Variants in PLXND1 observed in about 807,000 individuals in gnomAD.
The protein encoded by PLXND1 is plexin-D1.
A neutral mutation model predicts 197.7 loss-of-function variants in PLXND1; 54 were observed. The ratio of observed to expected loss-of-function variants is 0.27; its 90% CI spans 0.22 to 0.34. The LOEUF is 0.34. PLXND1 is among the 10% of genes least tolerant of loss of function. The probability of loss-of-function intolerance (pLI) is 1.00; values close to 1 mark genes in which losing one functional copy is unlikely to be tolerated. For synonymous variants in PLXND1, 1,180 were observed against 1,161.2 expected, an observed-to-expected ratio of 1.02 and a Z score of -0.33; for missense variants, 2,127 against 2,699.2, an observed-to-expected ratio of 0.79 and a Z score of 4.70.
rs1022756861 is a variant in PLXND1 at position 129,557,958 on chromosome 3, T to C, written c.5445+470A>G. 3.9e-5 allele frequency among the ~76,000 whole-genome samples: 6 copies of C among 152,216 alleles called. No homozygotes were observed. The highest frequency in any genetic ancestry group is 3.9e-4 in the Admixed American group (6 of 15,280). On this transcript the variant is annotated intron_variant, in intron 33 of 35. Transcript: ENST00000324093. The surrounding 1 kb of genome is among the most constrained non-coding windows in gnomAD (Gnocchi z 4.8). ...ACCTCTAAAGCCAGACACAGCCTTG[T>C]GTGCCCCCAACACACCGCATGAATC... is the stretch of plus-strand genomic sequence containing the variant.
chr3:129,575,107 GAC>G (rs1413705138), intron 11 of PLXND1, among the ~76,000 whole-genome samples: 15 of 152,178 alleles, frequency 9.9e-5, no homozygotes, highest in African/African-American at 3.6e-4. Flanking sequence ...ACCCAACACA[GAC>G]AGTCACAGCA....
intron 1 of PLXND1, among the ~76,000 whole-genome samples, chr3:129,604,487 G>C (rs938603733): frequency 3.3e-5 from 5 of 152,240 alleles, no homozygotes; most frequent in Admixed American, 3.3e-4. Flanking sequence ...GATGAGAATA[G>C]AGGCTACCTG....
rs1230997195 is a variant in PLXND1, at chr3:129,605,781, A to C, written c.859T>G (p.Ser287Ala). The change falls in exon 1 of 36, where the codon TCC becomes GCC. Residue 287 changes from serine (S) to alanine (A), a missense_variant. Ser to Ala is a moderately conservative substitution (Grantham distance 99, BLOSUM62 1). This residue lies in a region of PLXND1 where 1,095 missense variants were observed against 1,259.8 expected (regional missense o/e 0.87). Transcript: ENST00000324093. ...LGFVSAFLHPSDPPPGAQSYA... is the reference protein window; with the variant it reads ...LGFVSAFLHPADPPPGAQSYA... ...GACTGTGCACCCGGCGGCGGGTCGG[A>C]CGGGTGCAGGAAGGCGCTCACGAAG... 1 of 1,583,836 alleles carries C rather than the reference A, an allele frequency of 6.3e-7. No homozygotes were observed. Among genetic ancestry groups the C allele is most frequent in the Admixed American group, 1.8e-5 (1 of 54,958 alleles).
At position 129,573,639 on chromosome 3, in the gene PLXND1, C is replaced by A. The variant is rs780775472; in HGVS notation, c.2792G>T (p.Gly931Val). 1.1e-4 allele frequency: 174 copies of A among 1,613,502 alleles called. No individual in the cohort carries two copies. Among genetic ancestry groups the A allele is most frequent in the Non-Finnish European group, 1.4e-4 (169 of 1,180,004 alleles). Residue 931 changes from glycine to valine, a missense_variant, in exon 13 of 36, where the codon GGT (glycine) becomes GTT (valine). Gly to Val is a moderately radical substitution (Grantham distance 109, BLOSUM62 -3). This residue lies in a region of PLXND1 where 1,095 missense variants were observed against 1,259.8 expected (regional missense o/e 0.87). Coordinates refer to ENST00000324093, the MANE Select transcript of PLXND1 (RefSeq NM_015103.3). Reference sequence around the variant, plus strand: ...GTCAGGCAGTGGCTCACAGGCCACACCACCAATCCACACGCCGTGGGCCAC... The same window carrying A: ...GTCAGGCAGTGGCTCACAGGCCACAACACCAATCCACACGCCGTGGGCCAC... ...SDVAHGVWIG[G>V]VACEPLPDRY...
chr3:129,575,140 G>A (rs2108779648), intron 11 of PLXND1, among the ~76,000 whole-genome samples: 1 of 152,322 alleles, frequency 6.6e-6, no homozygotes, highest in East Asian at 1.9e-4. Flanking sequence ...TGCCACGCGA[G>A]GGGAGCTGAC....
At chr3:129,591,353 G>A (rs35826494) in intron 1 of PLXND1, 5,266 of 152,514 alleles carry the variant, frequency 0.035, 145 homozygotes, top group Non-Finnish European at 0.052. Context: ...CCAAACGCCG[G>A]GCGTGGTGGC....
At chr3:129,597,629 A>G (rs1027296496) in intron 1 of PLXND1, among the ~76,000 whole-genome samples, 3 of 152,224 alleles carry the variant, frequency 2.0e-5, no homozygotes, top group African/African-American at 7.2e-5. Flanking sequence ...AGGACGGTGG[A>G]CTAGGCGGGG....
intron 35 of PLXND1, 40 bp from the exon 36 acceptor site, chr3:129,556,468 G>T: frequency 6.5e-7 from 1 of 1,528,288 alleles, no homozygotes; most frequent in Non-Finnish European, 9.1e-7. Context: ...ATGGCCGGTA[G>T]CCCTGCCTCA....
chr3:129,605,191 T>G (rs1331339531), intron 1 of PLXND1, 138 bp downstream of exon 1: 1 of 406,476 alleles, frequency 2.5e-6, no homozygotes, highest in African/African-American at 2.1e-5. Context: ...CGTGCACACC[T>G]GGGTTCCACG....
rs1188932710 is a variant in PLXND1 at position 129,586,235 on chromosome 3, G to A, written c.1658C>T (p.Ser553Phe). 6 of 1,597,954 alleles carry A rather than the reference G, an allele frequency of 3.8e-6. No individual in the cohort carries two copies. The highest frequency in any genetic ancestry group is 5.1e-6 in the Non-Finnish European group (6 of 1,176,448). The change falls in exon 4 of 36, where the codon TCC (serine) becomes TTC (phenylalanine). Residue 553 changes from serine to phenylalanine, a missense_variant. Ser to Phe is a radical substitution (Grantham distance 155, BLOSUM62 -2). Around this residue, in one of 6 missense-constraint regions of PLXND1, gnomAD observed 1,095 missense variants for 1,259.8 expected, o/e 0.87. Transcript: ENST00000324093. ...CGCACCCACGCAGTCCCCACAGGTGGAGTGCACGTTGCAGGCGGCGACCTT... is the reference window on the plus strand; with the variant it reads ...CGCACCCACGCAGTCCCCACAGGTGAAGTGCACGTTGCAGGCGGCGACCTT... ...RVKVAACNVHSTCGDCVGAAD... is the reference protein window; with the variant it reads ...RVKVAACNVHFTCGDCVGAAD...
intron 2 of PLXND1, among the ~76,000 whole-genome samples, chr3:129,587,857 C>A (rs1276382220): frequency 1.3e-5 from 2 of 152,266 alleles, no homozygotes; most frequent in Non-Finnish European, 2.9e-5. Flanking sequence ...CCTCTACACA[C>A]CAACTCAAAA....
chr3:129,587,492 G>T (rs913185777), intron 2 of PLXND1, among the ~76,000 whole-genome samples: 4 of 152,198 alleles, frequency 2.6e-5, no homozygotes, highest in Admixed American at 6.5e-5. Context: ...ACCAAACTCT[G>T]CTCTTTTTTG....
In PLXND1 at chr3:129,605,615, C is replaced by T. The variant is rs1327014254; in HGVS notation, c.1025G>A (p.Gly342Asp). The change falls in exon 1 of 36, where the codon GGC becomes GAC. Residue 342 changes from glycine (G) to aspartate (D), a missense_variant. By Grantham distance (94) the Gly-to-Asp change is moderately conservative. Coordinates refer to ENST00000324093, the MANE Select transcript of PLXND1 (RefSeq NM_015103.3). ...GCCCGCGCCGCCCGCGCACTGCAAG[C>T]CCAACTGGATGTAGGACTCGGTGAG... ...KKLTESYIQL[G>D]LQCAGGAGRG... 6.5e-7 allele frequency: 1 copy of T among 1,536,706 alleles called. No homozygotes were observed. Among genetic ancestry groups the T allele is most frequent in the African/African-American group, 1.4e-5 (1 of 72,480 alleles).
In PLXND1 at chr3:129,555,907, G is replaced by A. The variant is rs563821260; in HGVS notation, c.*405C>T. On this transcript the variant is annotated 3_prime_UTR_variant, in exon 36 of 36. Coordinates refer to ENST00000324093, the MANE Select transcript of PLXND1 (RefSeq NM_015103.3). ...GGGCTCCCTGCACCAGTGTGGATGA[G>A]GTAGAGTTTCTGGGCTGCAGCCTCC... The A allele has an allele frequency of 3.4e-6, 1 of 297,602 alleles. No individual in the cohort carries two copies. The highest frequency in any genetic ancestry group is 8.3e-5 in the East Asian group (1 of 12,118). The allele number at this position is 297,602 out of a possible 1,614,324, so 18.4% of individuals were successfully genotyped here. A position where few individuals can be genotyped will look rare whatever the true frequency, so the allele number is the denominator to read the frequency against.
chr3:129,567,039 T>G (rs1578315480), intron 22 of PLXND1, among the ~76,000 whole-genome samples: 1 of 150,116 alleles, frequency 6.7e-6, no homozygotes, highest in African/African-American at 2.5e-5. Flanking sequence ...GGAGGTAGAG[T>G]GAGGGTAGTG....
At chr3:129,589,682 G>A (rs2085510176) in intron 1 of PLXND1, among the ~76,000 whole-genome samples, 155 bp from the exon 2 acceptor site, 1 of 152,128 alleles carries the variant, frequency 6.6e-6, no homozygotes, top group Non-Finnish European at 1.5e-5. Flanking sequence ...AAACACAAAC[G>A]GGACCCCATC....
In PLXND1 at chr3:129,571,209, C is replaced by T. The variant is rs775532260; in HGVS notation, c.3431G>A (p.Arg1144Gln). ...SAPVDFFING[R>Q]AYADEVAVAE... Reference sequence around the variant, plus strand: ...CACAGCCACCTCGTCTGCGTAGGCCCGCCCATTGATGAAGAAGTCCACTGG... The same window carrying T: ...CACAGCCACCTCGTCTGCGTAGGCCTGCCCATTGATGAAGAAGTCCACTGG... The change falls in exon 18 of 36, where the codon CGG becomes CAG. Residue 1144 changes from arginine (R) to glutamine (Q), a missense_variant. Physicochemically the swap from Arg to Gln is conservative, Grantham distance 43. This residue lies in a region of PLXND1 where 532 missense variants were observed against 811.0 expected (regional missense o/e 0.66). Coordinates refer to ENST00000324093, the MANE Select transcript of PLXND1 (RefSeq NM_015103.3). 1.7e-5 allele frequency: 28 copies of T among 1,614,078 alleles called. No homozygotes were observed. The highest frequency in any genetic ancestry group is 3.3e-5 in the South Asian group (3 of 91,094).
At chr3:129,565,574 G>A (rs929385605) in intron 24 of PLXND1, 36 bp from the exon 25 acceptor site, 1 of 1,569,130 alleles carries the variant, frequency 6.4e-7, no homozygotes, top group Non-Finnish European at 8.7e-7. Flanking sequence ...TGCACCTTGA[G>A]GCCCTAGGAG....
intron 2 of PLXND1, 131 bp from the exon 3 acceptor site, chr3:129,586,850 G>T: frequency 9.5e-7 from 1 of 1,051,150 alleles, no homozygotes; most frequent in Non-Finnish European, 1.4e-6. Flanking sequence ...GGGGTGGGAA[G>T]TCACGGGCGT....
Sources: allele counts gnomAD v4.1 joint callset (sites outside exome capture counted in the v4.1 genomes callset), GRCh38; gene constraint gnomAD v4.1.1; regional missense constraint gnomAD v4.1.1; non-coding constraint Gnocchi (gnomAD v3.1); transcripts MANE v1.5; gene names NCBI Gene and HGNC (gene_info 2026-07-23, HGNC 2026-07-21).